Variants in SH3GL2 observed in about 807,000 individuals in gnomAD.
SH3GL2 encodes the protein SH3 domain containing GRB2 like 2, endophilin A1.
SH3GL2 carries 24 observed loss-of-function variants against 46.0 expected under a neutral mutation model. That is an observed-to-expected ratio of 0.52 (90% CI 0.38 to 0.73). The LOEUF (loss-of-function observed/expected upper bound fraction) is 0.73. SH3GL2 is among the 30% of genes least tolerant of loss of function. The pLI is 0.00. For synonymous variants in SH3GL2, 196 were observed against 147.1 expected (o/e 1.33, Z -2.40); for missense variants, 413 against 424.2 (o/e 0.97, Z 0.23).
chr9:17,669,292 A>G (rs1212795798), intron 1 of SH3GL2, among the ~76,000 whole-genome samples: 1 of 152,172 alleles, frequency 6.6e-6, no homozygotes, highest in Non-Finnish European at 1.5e-5. Flanking sequence ...TCATTTATGT[A>G]TATATGTGTG....
Position 17,761,417 on chromosome 9 carries a change from C to G in SH3GL2, c.115-20C>G. 1 of 1,521,022 alleles carries G rather than the reference C, an allele frequency of 6.6e-7. No homozygotes were observed. The highest frequency in any genetic ancestry group is 9.1e-7 in the Non-Finnish European group (1 of 1,094,842). 94.2% of individuals were successfully genotyped at this position (1,521,022 alleles called of 1,614,324 possible). A position where few individuals can be genotyped will look rare whatever the true frequency, so the allele number is the denominator to read the frequency against. On this transcript the variant is annotated intron_variant, in intron 2 of 8. Coordinates refer to ENST00000380607, the MANE Select transcript of SH3GL2 (RefSeq NM_003026.5). ...AGCTCATCATTTTTGTCATTTAGAGCACTTATTTTCTCATTTCAGAAAGTG... is the reference window on the plus strand; with the variant it reads ...AGCTCATCATTTTTGTCATTTAGAGGACTTATTTTCTCATTTCAGAAAGTG...
chr9:17,793,198 A>T (rs542435472), intron 7 of SH3GL2, among the ~76,000 whole-genome samples, 169 bp from the exon 8 acceptor site: 1 of 152,302 alleles, frequency 6.6e-6, no homozygotes, highest in Non-Finnish European at 1.5e-5. Flanking sequence ...CATCACCAAA[A>T]TCTCAGACAT....
At chr9:17,607,642 T>G (rs185533554) in intron 1 of SH3GL2, among the ~76,000 whole-genome samples, 1 of 152,354 alleles carries the variant, frequency 6.6e-6, no homozygotes, top group Non-Finnish European at 1.5e-5. Flanking sequence ...TTCCAAAGTA[T>G]TTTTTACATG....
chr9:17,785,454 G>C (rs916335065), intron 3 of SH3GL2, among the ~76,000 whole-genome samples: 1 of 152,122 alleles, frequency 6.6e-6, no homozygotes, highest in African/African-American at 2.4e-5. Context: ...TAAAAGCCTT[G>C]TGAAATAAAT....
intron 1 of SH3GL2, among the ~76,000 whole-genome samples, chr9:17,666,544 A>ACG (rs1820345446): frequency 1.1e-5 from 1 of 93,624 alleles, no homozygotes; most frequent in African/African-American, 4.1e-5. Flanking sequence ...CACAAAGGTA[A>ACG]CGTGTGTGTG....
At chr9:17,729,144 T>G (rs977739162) in intron 1 of SH3GL2, among the ~76,000 whole-genome samples, 3 of 152,218 alleles carry the variant, frequency 2.0e-5, no homozygotes, top group African/African-American at 7.2e-5. Flanking sequence ...TTCCTGACTT[T>G]TAATGATCAT....
At position 17,791,167 on chromosome 9, in the gene SH3GL2, A is replaced by G. The variant is rs141819355; in HGVS notation, c.625-64A>G. ...GGCAGCCCTGGTGTATGTATGAAAC[A>G]GTAGTGGCTGTTTAGGGATGGTAAC... On this transcript the variant is annotated intron_variant, in intron 6 of 8. Coordinates refer to ENST00000380607, the MANE Select transcript of SH3GL2 (RefSeq NM_003026.5). 219 of 1,146,780 alleles carry G rather than the reference A, an allele frequency of 1.9e-4. 1 individual carries two copies. In the East Asian group the frequency reaches 4.0e-3, roughly 21 times the overall value. The allele number at this position is 1,146,780 out of a possible 1,614,324, so 71.0% of individuals were successfully genotyped here. A position where few individuals can be genotyped will look rare whatever the true frequency, so the allele number is the denominator to read the frequency against.
intron 3 of SH3GL2, among the ~76,000 whole-genome samples, chr9:17,785,333 G>A (rs761733470): frequency 1.2e-4 from 19 of 152,094 alleles, no homozygotes; most frequent in Non-Finnish European, 2.8e-4. Context: ...GTGAAAGCAG[G>A]GACCATAATT....
At chr9:17,762,415 A>T (rs7020749) in intron 3 of SH3GL2, among the ~76,000 whole-genome samples, 1 of 145,134 alleles carries the variant, frequency 6.9e-6, no homozygotes, top group African/African-American at 2.5e-5. Context: ...AAAAAAAAAA[A>T]GGGGGCGGGT....
chr9:17,661,102 C>A lies in SH3GL2; in HGVS notation c.45+81815C>A, dbSNP rs150604113. Among the ~76,000 whole-genome samples the A allele has an allele frequency of 1.7e-3, 254 of 152,260 alleles. 1 individual carries two copies. The highest frequency in any genetic ancestry group is 5.9e-3 in the African/African-American group (245 of 41,536). On this transcript the variant is annotated intron_variant, in intron 1 of 8. Transcript: ENST00000380607. ...GCTTGAACCTGGGAGGCAGAGGTTG[C>A]AGTGAGCCGAGATTGTACCACTGCA...
intron 1 of SH3GL2, among the ~76,000 whole-genome samples, chr9:17,661,997 G>A (rs1417556131): frequency 6.6e-6 from 1 of 152,002 alleles, no homozygotes; most frequent in African/African-American, 2.4e-5. Context: ...GATTCTTTAG[G>A]GCTGGAGAAT....
chr9:17,581,656 A>G (rs1818278930), intron 1 of SH3GL2, among the ~76,000 whole-genome samples: 1 of 152,082 alleles, frequency 6.6e-6, no homozygotes, highest in African/African-American at 2.4e-5. Flanking sequence ...TCCTTTTGAG[A>G]ACTGATGTGC....
intron 2 of SH3GL2, among the ~76,000 whole-genome samples, chr9:17,757,138 C>G (rs1823019305): frequency 6.6e-6 from 1 of 152,172 alleles, no homozygotes; most frequent in Non-Finnish European, 1.5e-5. Flanking sequence ...TGAGAAGTGT[C>G]TGTTCCTATC....
chr9:17,690,781 C>T (rs1821056060), intron 1 of SH3GL2, among the ~76,000 whole-genome samples: 1 of 152,048 alleles, frequency 6.6e-6, no homozygotes, highest in African/African-American at 2.4e-5. Context: ...GGCTGAAGAA[C>T]TCATAGTGGA....
At chr9:17,723,956 G>T (rs558019198) in intron 1 of SH3GL2, among the ~76,000 whole-genome samples, 2 of 151,982 alleles carry the variant, frequency 1.3e-5, no homozygotes, top group Admixed American at 1.3e-4. Context: ...TGAAGTGTCT[G>T]GTGTGGTTCT....
At chr9:17,694,245 T>C (rs1218369077) in intron 1 of SH3GL2, among the ~76,000 whole-genome samples, 3 of 152,086 alleles carry the variant, frequency 2.0e-5, no homozygotes, top group Non-Finnish European at 4.4e-5. Context: ...TGGGGGGCCT[T>C]AGGAAACTTA....
chr9:17,782,064 C>G (rs1050838182), intron 3 of SH3GL2, among the ~76,000 whole-genome samples: 1 of 152,128 alleles, frequency 6.6e-6, no homozygotes, highest in Non-Finnish European at 1.5e-5. Context: ...ATGAATATTT[C>G]TTTTGCTCAC....
At chr9:17,646,795 A>G (rs576271975) in intron 1 of SH3GL2, among the ~76,000 whole-genome samples, 12 of 152,160 alleles carry the variant, frequency 7.9e-5, no homozygotes, top group Admixed American at 1.3e-4. Flanking sequence ...GCTCTCCTTT[A>G]TGAGATGTCT....
chr9:17,713,668 C>T (rs1199107333), intron 1 of SH3GL2, among the ~76,000 whole-genome samples: 1 of 151,478 alleles, frequency 6.6e-6, no homozygotes, highest in African/African-American at 2.4e-5. Flanking sequence ...GCATTATTAA[C>T]TTTATAAATA....
Sources: allele counts gnomAD v4.1 joint callset (sites outside exome capture counted in the v4.1 genomes callset), GRCh38; gene constraint gnomAD v4.1.1; transcripts MANE v1.5; gene names NCBI Gene and HGNC (gene_info 2026-07-23, HGNC 2026-07-21).